TENM4: variants seen among roughly 807,000 people sequenced by gnomAD.
The protein encoded by TENM4 is teneurin-4.
In TENM4, 82 loss-of-function variants were observed where a neutral mutation model predicts 243.3. That is an observed-to-expected ratio of 0.34 (90% CI 0.28 to 0.40). TENM4 has a LOEUF of 0.40. Among genes scored for constraint, TENM4 ranks in the 10% least tolerant of loss-of-function variants. TENM4 has a pLI of 1.00. For synonymous variants in TENM4, 1,412 were observed against 1,456.3 expected, an observed-to-expected ratio of 0.97 and a Z score of 0.69; for missense variants, 3,138 against 3,673.3, an observed-to-expected ratio of 0.85 and a Z score of 3.77.
At chr11:79,002,514 G>A (rs1387645100) in intron 6 of TENM4, among the ~76,000 whole-genome samples, 10 of 152,214 alleles carry the variant, frequency 6.6e-5, no homozygotes. Context: ...AAGAGTTACA[G>A]CACACAGCCC....
chr11:79,194,013 G>C (rs1390269476), intron 3 of TENM4, among the ~76,000 whole-genome samples: 1 of 152,080 alleles, frequency 6.6e-6, no homozygotes, highest in African/African-American at 2.4e-5. Flanking sequence ...TTGTGGGAGG[G>C]ACTCAGGGGG....
chr11:79,280,298 C>T (rs558921858), intron 2 of TENM4, among the ~76,000 whole-genome samples: 19 of 152,312 alleles, frequency 1.2e-4, no homozygotes, highest in African/African-American at 4.3e-4. Flanking sequence ...AAAGGCCTAC[C>T]TTCCTCCTTT....
chr11:79,098,221 AC>A (rs5792836), intron 4 of TENM4, among the ~76,000 whole-genome samples: 65,279 of 121,208 alleles, frequency 0.54, 14,548 homozygotes, highest in Middle Eastern at 0.67. Context: ...TGTCTCCCCC[AC>A]CCCCCCCCAT....
At position 78,670,139 on chromosome 11, in the gene TENM4, A is replaced by G; in HGVS notation, c.6206T>C (p.Phe2069Ser). Residue 2069 changes from phenylalanine (F) to serine (S), a missense_variant, in exon 32 of 34, where the codon TTC (phenylalanine) becomes TCC (serine). Physicochemically the swap from Phe to Ser is radical, Grantham distance 155. Transcript: ENST00000278550. ...GACCATGCCTTCCTCAGTGAAGCGG[A>G]AGATCTGTCGGTCAATCAGGGGCCC... The part of the protein sequence containing the change: ...QIGPLIDRQI[F>S]RFTEEGMVNA... 1 of 1,613,912 alleles carries G rather than the reference A, an allele frequency of 6.2e-7. No homozygotes were observed. The highest frequency in any genetic ancestry group is 8.5e-7 in the Non-Finnish European group (1 of 1,179,878).
At chr11:79,348,000 C>T (rs922089372) in intron 1 of TENM4, among the ~76,000 whole-genome samples, 4 of 151,776 alleles carry the variant, frequency 2.6e-5, no homozygotes, top group East Asian at 3.9e-4. Flanking sequence ...AGGATGGTCT[C>T]GATCTCCGGA....
intron 9 of TENM4, among the ~76,000 whole-genome samples, chr11:78,872,481 T>G (rs769259230): frequency 1.3e-5 from 2 of 152,182 alleles, no homozygotes; most frequent in African/African-American, 2.4e-5. Flanking sequence ...TCTGGGATGG[T>G]GCCTGTTATT....
rs372758306 is a variant in TENM4 at position 79,017,438 on chromosome 11, A to T, written c.493+47300T>A. On this transcript the variant is annotated intron_variant, in intron 6 of 33. Coordinates refer to ENST00000278550, the MANE Select transcript of TENM4 (RefSeq NM_001098816.3). Reference sequence around the variant, plus strand: ...CAAGTTCTGATGCAGGGCACAGAAGACCTGTTTAGTATGCAACCTCTGAAT... The same window carrying T: ...CAAGTTCTGATGCAGGGCACAGAAGTCCTGTTTAGTATGCAACCTCTGAAT... 1.8e-4 allele frequency among the ~76,000 whole-genome samples: 28 copies of T among 152,268 alleles called. No individual in the cohort carries two copies. The East Asian group carries it at 2.7e-3, about 15-fold the overall frequency.
At chr11:79,303,161 T>C (rs1049453291) in intron 1 of TENM4, among the ~76,000 whole-genome samples, 6 of 152,234 alleles carry the variant, frequency 3.9e-5, no homozygotes, top group Non-Finnish European at 8.8e-5. Flanking sequence ...TCAAGATTCC[T>C]TTTATTTAAG....
chr11:78,687,281 T>C (rs1456749278), intron 29 of TENM4, among the ~76,000 whole-genome samples: 1 of 152,108 alleles, frequency 6.6e-6, no homozygotes, highest in Non-Finnish European at 1.5e-5. Flanking sequence ...AGGGTCACGG[T>C]GGGTGATGTG....
rs199711050 is a variant in TENM4, at chr11:79,295,896, AACACACACACAC to A, written c.-265+1580_-265+1591del. On this transcript the variant is annotated intron_variant, in intron 2 of 33. Coordinates refer to ENST00000278550, the MANE Select transcript of TENM4 (RefSeq NM_001098816.3). ...AATAAGAATTGCCTCCCAGGGATTAAACACACACACACACACACACACACACACACACACACT... is the reference window on the plus strand; with the variant it reads ...AATAAGAATTGCCTCCCAGGGATTAAACACACACACACACACACACACACT... Among the ~76,000 whole-genome samples, 16 of 130,918 alleles carry A rather than the reference AACACACACACAC, an allele frequency of 1.2e-4. No individual in the cohort carries two copies. The East Asian group carries it at 1.8e-3, about 15-fold the overall frequency. 85.9% of individuals were successfully genotyped at this position (130,918 alleles called of 152,430 possible). A position where few individuals can be genotyped will look rare whatever the true frequency, so the allele number is the denominator to read the frequency against.
chr11:79,369,409 C>CT (rs1010434227), intron 1 of TENM4, among the ~76,000 whole-genome samples: 215 of 151,828 alleles, frequency 1.4e-3, no homozygotes, highest in African/African-American at 4.8e-3. Flanking sequence ...ACTGCTTTCA[C>CT]TTTTTTTTTC....
intron 6 of TENM4, among the ~76,000 whole-genome samples, chr11:78,953,890 C>A (rs1274385007): frequency 1.3e-5 from 2 of 152,074 alleles, no homozygotes; most frequent in Non-Finnish European, 2.9e-5. Flanking sequence ...AGAGGTGAAG[C>A]AAATTGCCCA....
intron 19 of TENM4, 61 bp from the exon 20 acceptor site, chr11:78,738,631 C>T: frequency 6.4e-7 from 1 of 1,555,668 alleles, no homozygotes. Context: ...CCCTGGCTGG[C>T]AGGGAACCCC....
chr11:79,228,592 C>T (rs540032529), intron 2 of TENM4, among the ~76,000 whole-genome samples: 11 of 151,942 alleles, frequency 7.2e-5, no homozygotes, highest in Admixed American at 1.3e-4. Context: ...TGAAGCTGAA[C>T]GCATTTGTCA....
intron 4 of TENM4, among the ~76,000 whole-genome samples, chr11:79,070,855 C>T (rs1397835412): frequency 1.3e-5 from 2 of 152,188 alleles, no homozygotes; most frequent in Non-Finnish European, 2.9e-5. Flanking sequence ...TTCCATTCTG[C>T]CTCCCTGAGA....
At chr11:79,384,462 C>T (rs553278945) in intron 1 of TENM4, among the ~76,000 whole-genome samples, 37 of 152,100 alleles carry the variant, frequency 2.4e-4, no homozygotes, top group Non-Finnish European at 3.8e-4. Context: ...CTCTGCTGAC[C>T]GTGCCAGATT....
intron 12 of TENM4, among the ~76,000 whole-genome samples, chr11:78,836,299 G>A (rs764123205): frequency 3.9e-5 from 6 of 152,172 alleles, no homozygotes; most frequent in Non-Finnish European, 7.3e-5. Context: ...GCAGTCAGCC[G>A]AGATTGCGCT....
chr11:79,116,028 C>T (rs1861611721), intron 4 of TENM4, among the ~76,000 whole-genome samples: 1 of 152,134 alleles, frequency 6.6e-6, no homozygotes, highest in African/African-American at 2.4e-5. Flanking sequence ...TTATCAGCAC[C>T]CCAATGGCAA....
chr11:78,804,931 G>T (rs1052057669), intron 15 of TENM4, among the ~76,000 whole-genome samples: 1 of 152,108 alleles, frequency 6.6e-6, no homozygotes, highest in African/African-American at 2.4e-5. Context: ...ATCCTATAAG[G>T]CCCACCCCTA....
Sources: gnomAD v4.1 joint callset for allele counts (sites outside exome capture counted in the v4.1 genomes callset) on GRCh38, gnomAD v4.1.1 for gene constraint, MANE v1.5 for transcripts, NCBI Gene and HGNC (gene_info 2026-07-23, HGNC 2026-07-21) for gene names.